NTRK3: variants seen among roughly 807,000 people sequenced by gnomAD.
NTRK3 encodes the protein neurotrophic receptor tyrosine kinase 3, also known as NT-3 growth factor receptor.
In NTRK3, 24 loss-of-function variants were observed where a neutral mutation model predicts 91.7. The ratio of observed to expected loss-of-function variants is 0.26; its 90% CI spans 0.19 to 0.37. The LOEUF (loss-of-function observed/expected upper bound fraction) is 0.37, where lower values mean the gene tolerates loss of function less well. Among genes scored for constraint, NTRK3 ranks in the 10% least tolerant of loss-of-function variants. The pLI is 1.00. For synonymous variants in NTRK3, 483 were observed against 404.0 expected, an observed-to-expected ratio of 1.20 and a Z score of -2.34; for missense variants, 880 against 1,068.9, an observed-to-expected ratio of 0.82 and a Z score of 2.46.
intron 17 of NTRK3, among the ~76,000 whole-genome samples, chr15:87,912,417 C>A (rs1443084320): frequency 6.6e-6 from 1 of 152,168 alleles, no homozygotes; most frequent in South Asian, 2.1e-4. Context: ...TTCCACCCCT[C>A]ATTTATTGTA....
Position 88,240,849 on chromosome 15 carries a change from G to T in NTRK3, c.248+15057C>A, listed in dbSNP as rs991999088. Among the ~76,000 whole-genome samples, 3 of 152,226 alleles carry T rather than the reference G, an allele frequency of 2.0e-5. No individual in the cohort carries two copies. Among genetic ancestry groups the T allele is most frequent in the Non-Finnish European group, 4.4e-5 (3 of 68,038 alleles). On this transcript the variant is annotated intron_variant, in intron 3 of 18. Transcript: ENST00000394480. This position sits in a 1 kb window ranked among gnomAD's most constrained non-coding sequence, Gnocchi z 4.9. ...GTTTTCTCTAGAAGATTCCTCCAAC[G>T]GGCTGCCCTGCTAAGGGCAAAGCCC...
intron 14 of NTRK3, among the ~76,000 whole-genome samples, chr15:87,999,912 T>G (rs2075976345): frequency 6.6e-6 from 1 of 152,186 alleles, no homozygotes; most frequent in Non-Finnish European, 1.5e-5. Context: ...AAATATTAAT[T>G]GAAATGCTGA....
intron 17 of NTRK3, among the ~76,000 whole-genome samples, chr15:87,883,175 T>C (rs866202652): frequency 6.6e-6 from 1 of 150,978 alleles, no homozygotes; most frequent in Non-Finnish European, 1.5e-5. Context: ...TATTGTGATT[T>C]ACACGTTGTC....
rs532466554 is a variant in NTRK3, at chr15:87,978,074, G to A, written c.1586-37321C>T. ...CATACAATGGAGGCCCCATGGGCCA[G>A]TGGAGCTGGGAGCCAGAAGTCTACT... On this transcript the variant is annotated intron_variant, in intron 14 of 18. Coordinates refer to ENST00000394480, the Ensembl canonical transcript of NTRK3. 1.1e-3 allele frequency: 251 copies of A among 232,460 alleles called. 2 individuals carry two copies. The highest frequency in any genetic ancestry group is 4.1e-3 in the African/African-American group (187 of 45,392). The allele number at this position is 232,460 out of a possible 1,614,324, so 14.4% of individuals were successfully genotyped here.
intron 13 of NTRK3, among the ~76,000 whole-genome samples, chr15:88,099,850 A>G (rs772501915): frequency 6.6e-6 from 1 of 152,212 alleles, no homozygotes; most frequent in Non-Finnish European, 1.5e-5. Context: ...TCACATAGTT[A>G]GAGATAACCG....
At chr15:87,928,478 A>G (rs1217934321) in intron 17 of NTRK3, 1 of 152,396 alleles carries the variant, frequency 6.6e-6, no homozygotes, top group Non-Finnish European at 1.5e-5. Context: ...TAGGGAAAAA[A>G]AAAGATTCTA....
chr15:87,949,371 TGAA>T (rs1371530645), intron 14 of NTRK3, among the ~76,000 whole-genome samples: 3 of 152,036 alleles, frequency 2.0e-5, no homozygotes, highest in African/African-American at 7.2e-5. Flanking sequence ...TGGTCAGCTC[TGAA>T]GAAGCTCAGC....
At chr15:88,028,537 G>A (rs1030585096) in intron 14 of NTRK3, among the ~76,000 whole-genome samples, 2 of 152,234 alleles carry the variant, frequency 1.3e-5, no homozygotes, top group East Asian at 3.9e-4. Flanking sequence ...ATGGGCAGAG[G>A]AGCAGACAGA....
At chr15:88,207,255 G>T (rs2048874185) in intron 3 of NTRK3, among the ~76,000 whole-genome samples, 1 of 152,168 alleles carries the variant, frequency 6.6e-6, no homozygotes, top group African/African-American at 2.4e-5. Context: ...CCTGCCTCCA[G>T]GATGGCACTG....
chr15:88,250,560 C>T (rs1469672462), intron 3 of NTRK3, among the ~76,000 whole-genome samples: 2 of 152,166 alleles, frequency 1.3e-5, no homozygotes, highest in Admixed American at 6.5e-5. Context: ...GCTTTTGGGC[C>T]TTGGGAACTC....
At chr15:88,122,188 ATGTC>A (rs1304156003) in intron 13 of NTRK3, among the ~76,000 whole-genome samples, 1 of 152,262 alleles carries the variant, frequency 6.6e-6, no homozygotes, top group Non-Finnish European at 1.5e-5. Flanking sequence ...ATATATATGC[ATGTC>A]TGTGTGTCTA....
chr15:87,985,697 C>T (rs2074705667), intron 14 of NTRK3, among the ~76,000 whole-genome samples: 1 of 152,148 alleles, frequency 6.6e-6, no homozygotes. Flanking sequence ...CAATTTAGCT[C>T]ATGGCGTCAT....
At chr15:87,869,500 C>T (rs1408105105) in exon 19 of NTRK3, 1 of 219,088 alleles carries the variant, frequency 4.6e-6, no homozygotes, top group Non-Finnish European at 9.2e-6. Context: ...TGAAAGTTTT[C>T]TGCTTTGTGT....
At chr15:88,197,332 T>C (rs769776680) in intron 3 of NTRK3, among the ~76,000 whole-genome samples, 11 of 152,182 alleles carry the variant, frequency 7.2e-5, no homozygotes, top group Non-Finnish European at 1.3e-4. Context: ...GACAGCCTCA[T>C]GCCCAGAAGG....
chr15:87,925,555 C>T (rs1318558000), intron 17 of NTRK3: 1 of 212,440 alleles, frequency 4.7e-6, no homozygotes, highest in African/African-American at 2.3e-5. Context: ...TCAGTGATAG[C>T]AGAGAGGTAC....
chr15:88,220,257 G>A (rs2050128624), intron 3 of NTRK3, among the ~76,000 whole-genome samples: 2 of 152,338 alleles, frequency 1.3e-5, no homozygotes, highest in African/African-American at 4.8e-5. Flanking sequence ...CATTTCTTGG[G>A]GTTGTGGAGT....
chr15:87,913,840 C>A (rs1223744152), intron 17 of NTRK3, among the ~76,000 whole-genome samples: 1 of 152,176 alleles, frequency 6.6e-6, no homozygotes, highest in East Asian at 1.9e-4. Context: ...TTGAGTGGCT[C>A]TTAGGCTATC....
chr15:87,871,642 G>A (rs1271598034), exon 19 of NTRK3: 2 of 229,304 alleles, frequency 8.7e-6, no homozygotes, highest in Non-Finnish European at 1.7e-5. Flanking sequence ...AACTTTACAA[G>A]ATGACAGATT....
chr15:88,139,352 G>A (rs2042169257), intron 6 of NTRK3, among the ~76,000 whole-genome samples: 1 of 152,202 alleles, frequency 6.6e-6, no homozygotes, highest in Non-Finnish European at 1.5e-5. Context: ...CCATCAAGGA[G>A]ATGAATCTGT....
Sources: gnomAD v4.1 joint callset for allele counts (sites outside exome capture counted in the v4.1 genomes callset) on GRCh38, gnomAD v4.1.1 for gene constraint, Gnocchi (gnomAD v3.1) non-coding constraint, MANE v1.5 for transcripts, NCBI Gene and HGNC (gene_info 2026-07-23, HGNC 2026-07-21) for gene names.